TTLL5: variants seen among roughly 807,000 people sequenced by gnomAD.
TTLL5 encodes the protein tubulin polyglutamylase TTLL5.
TTLL5 carries 132 observed loss-of-function variants against 168.4 expected under a neutral mutation model. The observed-to-expected ratio is 0.78, with a 90% CI of 0.68 to 0.91. TTLL5 has a LOEUF of 0.91. Among genes scored for constraint, TTLL5 ranks in the 40% least tolerant of loss-of-function variants. The pLI is 0.00. For missense variants in TTLL5, 1,545 were observed against 1,581.5 expected, an observed-to-expected ratio of 0.98 and a Z score of 0.39; for synonymous variants, 546 against 558.6, an observed-to-expected ratio of 0.98 and a Z score of 0.32.
intron 31 of TTLL5, among the ~76,000 whole-genome samples, chr14:75,938,190 T>G (rs2034490786): frequency 6.6e-6 from 1 of 152,236 alleles, no homozygotes; most frequent in Non-Finnish European, 1.5e-5. Context: ...AAGTCAAGTT[T>G]CGATGATGAC....
chr14:75,718,073 T>C (rs1887588330), intron 10 of TTLL5, 111 bp downstream of exon 10: 2 of 863,650 alleles, frequency 2.3e-6, no homozygotes, highest in Non-Finnish European at 1.9e-6. Flanking sequence ...TTAATGTCCA[T>C]GTACCATTTA....
At chr14:75,918,343 C>T (rs2140131617) in intron 31 of TTLL5, among the ~76,000 whole-genome samples, 1 of 152,302 alleles carries the variant, frequency 6.6e-6, no homozygotes, top group South Asian at 2.1e-4. Flanking sequence ...TGATATACAT[C>T]TACTGGTTTC....
intron 2 of TTLL5, among the ~76,000 whole-genome samples, chr14:75,664,797 T>A (rs913203765): frequency 6.6e-6 from 1 of 152,252 alleles, no homozygotes; most frequent in Admixed American, 6.5e-5. Flanking sequence ...CATAAAACTT[T>A]TAACTTCTGC....
rs1008972828 is a variant in TTLL5 at position 75,904,045 on chromosome 14, CAT to C, written c.3823+1823_3823+1824del. 6.8e-6 allele frequency: 8 copies of C among 1,176,842 alleles called. No homozygotes were observed. The African/African-American group carries it at 1.3e-4, about 19-fold the overall frequency. 72.9% of individuals were successfully genotyped at this position (1,176,842 alleles called of 1,614,324 possible). A position where few individuals can be genotyped will look rare whatever the true frequency, so the allele number is the denominator to read the frequency against. On this transcript the variant is annotated intron_variant, in intron 31 of 31. Transcript: ENST00000298832. ...AACTACACCCGGGCCACTACTACCTCATAACCTTTTCTCTTTCCACTCCCTGC... is the reference window on the plus strand; with the variant it reads ...AACTACACCCGGGCCACTACTACCTCAACCTTTTCTCTTTCCACTCCCTGC...
intron 24 of TTLL5, 22 bp downstream of exon 24, chr14:75,779,724 C>G: frequency 2.5e-6 from 4 of 1,573,694 alleles, no homozygotes; most frequent in Non-Finnish European, 3.4e-6. Flanking sequence ...GGTTAATGAA[C>G]GAAAAATAAG....
intron 31 of TTLL5, among the ~76,000 whole-genome samples, chr14:75,939,746 A>T (rs2034540989): frequency 6.6e-6 from 1 of 152,168 alleles, no homozygotes; most frequent in Admixed American, 6.5e-5. Context: ...CCTAATCTTC[A>T]GATAGAGAAC....
intron 31 of TTLL5, among the ~76,000 whole-genome samples, chr14:75,907,355 C>A (rs1156798778): frequency 3.9e-5 from 6 of 152,196 alleles, no homozygotes; most frequent in Admixed American, 3.9e-4. Flanking sequence ...TTGTTCCCAG[C>A]CATGGCCTTC....
intron 7 of TTLL5, among the ~76,000 whole-genome samples, chr14:75,704,235 C>G (rs960652800): frequency 6.6e-6 from 1 of 152,140 alleles, no homozygotes; most frequent in Admixed American, 6.6e-5. Flanking sequence ...ACCTTAAGGT[C>G]CATTTAGAAA....
At chr14:75,662,944 C>G (rs2302592) in intron 1 of TTLL5, 111 bp from the exon 2 acceptor site, 382,753 of 660,392 alleles carry the variant, frequency 0.58, 119,682 homozygotes, top group Non-Finnish European at 0.66. Context: ...AGGTTGAGCA[C>G]TGTTTAGGAA....
chr14:75,662,586 G>A (rs1335767872), intron 1 of TTLL5, among the ~76,000 whole-genome samples: 5 of 149,998 alleles, frequency 3.3e-5, no homozygotes, highest in East Asian at 2.0e-4. Flanking sequence ...TGATCCGCCC[G>A]CCTTGGCCTC....
At chr14:75,691,710 G>C (rs920728453) in intron 6 of TTLL5, among the ~76,000 whole-genome samples, 1 of 152,210 alleles carries the variant, frequency 6.6e-6, no homozygotes, top group African/African-American at 2.4e-5. Flanking sequence ...CACACAGAGA[G>C]GACAGTTTTC....
chr14:75,861,096 C>T (rs1028427626), intron 28 of TTLL5, among the ~76,000 whole-genome samples: 5 of 152,138 alleles, frequency 3.3e-5, no homozygotes, highest in South Asian at 4.1e-4. Flanking sequence ...GATCAAATGT[C>T]GCACTCAGAA....
chr14:75,677,376 T>TTCTC (rs202192709), intron 3 of TTLL5, among the ~76,000 whole-genome samples: 2 of 147,824 alleles, frequency 1.4e-5, no homozygotes, highest in Non-Finnish European at 3.0e-5. Flanking sequence ...GAGATTCTCT[T>TTCTC]TCTCTCTCTC....
chr14:75,745,839 G>A (rs1191737917), intron 17 of TTLL5, among the ~76,000 whole-genome samples: 1 of 151,162 alleles, frequency 6.6e-6, no homozygotes, highest in Non-Finnish European at 1.5e-5. Context: ...CCTAAACTTT[G>A]TGTTTATCAT....
chr14:75,734,060 AG>A lies in TTLL5; in HGVS notation c.1186+11del. 6.2e-7 allele frequency: 1 copy of A among 1,613,448 alleles called. No homozygotes were observed. The highest frequency in any genetic ancestry group is 1.7e-5 in the Admixed American group (1 of 60,016). The stretch of plus-strand genomic sequence containing the variant: ...ATGTTCACTGTTGTAGGTGAGTAGT[AG>A]TATTTTCTGAACTGGACTCACATAA... On this transcript the variant is annotated intron_variant, in intron 14 of 31. Coordinates refer to ENST00000298832, the MANE Select transcript of TTLL5 (RefSeq NM_015072.5).
chr14:75,791,105 C>CAAAAAAAAAAAAAAAAAAAAAAAAA (rs372035829), intron 26 of TTLL5, among the ~76,000 whole-genome samples: 5 of 77,270 alleles, frequency 6.5e-5, no homozygotes, highest in African/African-American at 3.8e-4. Context: ...GACTCTGTCT[C>CAAAAAAAAAAAAAAAAAAAAAAAAA]AAAAAAAAAA....
At chr14:75,811,477 T>C (rs1894024964) in intron 27 of TTLL5, among the ~76,000 whole-genome samples, 2 of 152,212 alleles carry the variant, frequency 1.3e-5, no homozygotes, top group Non-Finnish European at 2.9e-5. Flanking sequence ...CCAGATGCCA[T>C]TTTTTAATTT....
At chr14:75,690,868 T>C (rs1017349083) in intron 6 of TTLL5, among the ~76,000 whole-genome samples, 1 of 152,156 alleles carries the variant, frequency 6.6e-6, no homozygotes, top group African/African-American at 2.4e-5. Context: ...GATCCTCCAC[T>C]CTTGGCTTCG....
intron 12 of TTLL5, among the ~76,000 whole-genome samples, chr14:75,727,270 A>G (rs1476009932): frequency 1.3e-5 from 2 of 152,236 alleles, no homozygotes; most frequent in African/African-American, 4.8e-5. Context: ...AATAATTGCC[A>G]AAAATTGGAA....
Sources: gnomAD v4.1 joint callset for allele counts (sites outside exome capture counted in the v4.1 genomes callset) on GRCh38, gnomAD v4.1.1 for gene constraint, MANE v1.5 for transcripts, NCBI Gene and HGNC (gene_info 2026-07-23, HGNC 2026-07-21) for gene names.